PCMT1: variants seen among roughly 807,000 people sequenced by gnomAD.
PCMT1 encodes protein-L-isoaspartate (D-aspartate) O-methyltransferase.
Under a neutral mutation model 29.2 loss-of-function variants are expected in PCMT1, and 9 were observed. That is an observed-to-expected ratio of 0.31 (90% CI 0.19 to 0.54). PCMT1 has a LOEUF of 0.54. Among genes scored for constraint, PCMT1 ranks in the 20% least tolerant of loss-of-function variants. PCMT1 has a pLI of 0.95. For synonymous variants in PCMT1, 98 were observed against 97.5 expected (o/e 1.00, Z -0.03); for missense variants, 184 against 282.2 (o/e 0.65, Z 2.49).
intron 3 of PCMT1, among the ~76,000 whole-genome samples, chr6:149,785,405 T>A (rs1352233282): frequency 1.2e-4 from 18 of 151,144 alleles, no homozygotes; most frequent in South Asian, 2.1e-4. Flanking sequence ...TCAGTTCTTT[T>A]TTTTTATTTT....
intron 4 of PCMT1, among the ~76,000 whole-genome samples, chr6:149,791,994 A>G (rs1788391486): frequency 6.6e-6 from 1 of 152,074 alleles, no homozygotes; most frequent in Non-Finnish European, 1.5e-5. Context: ...TTTCCTCCCC[A>G]TTTTGTACTG....
rs1275404968 is a variant in PCMT1, at chr6:149,802,382, T to G, written c.*3T>G. 2 of 1,601,266 alleles carry G rather than the reference T, an allele frequency of 1.2e-6. No homozygotes were observed. The highest frequency in any genetic ancestry group is 2.2e-5 in the South Asian group (2 of 89,580). On this transcript the variant is annotated 3_prime_UTR_variant, in exon 7 of 8. Transcript: ENST00000464889. The stretch of plus-strand genomic sequence containing the variant: ...AGCAGTGGTCCAGGTGGAAGTGATT[T>G]TATCTTCTGCTCTTTCTTCTTCCAC...
At chr6:149,759,100 C>T (rs12201047) in intron 1 of PCMT1, among the ~76,000 whole-genome samples, 1 of 152,146 alleles carries the variant, frequency 6.6e-6, no homozygotes, top group African/African-American at 2.4e-5. Flanking sequence ...TGGTCTCAAT[C>T]TCTTGACCTC....
chr6:149,777,584 G>T (rs1174244660), intron 3 of PCMT1, among the ~76,000 whole-genome samples: 1 of 152,144 alleles, frequency 6.6e-6, no homozygotes, highest in Non-Finnish European at 1.5e-5. Context: ...GAGTCCCAAA[G>T]GGTATTTAGA....
In PCMT1 at chr6:149,809,341, CT is replaced by C. The variant is rs1776101741; in HGVS notation, c.*38-1272del. 3.5e-5 allele frequency among the ~76,000 whole-genome samples: 5 copies of C among 144,664 alleles called. No homozygotes were observed. In the Admixed American group the frequency reaches 3.5e-4, roughly 10 times the overall value. The allele number at this position is 144,664 out of a possible 152,430, so 94.9% of individuals were successfully genotyped here. A position where few individuals can be genotyped will look rare whatever the true frequency, so the allele number is the denominator to read the frequency against. On this transcript the variant is annotated intron_variant, in intron 7 of 7. Coordinates refer to ENST00000464889, the MANE Select transcript of PCMT1 (RefSeq NM_001360452.2). ...TTCTAAAAAGCAGAAGTGAATTTTACTTTATGAATAGAGCACTTTGCAAATA... is the reference window on the plus strand; with the variant it reads ...TTCTAAAAAGCAGAAGTGAATTTTACTTATGAATAGAGCACTTTGCAAATA...
intron 3 of PCMT1, among the ~76,000 whole-genome samples, chr6:149,777,102 G>A (rs1399945430): frequency 6.6e-6 from 1 of 152,204 alleles, no homozygotes; most frequent in Non-Finnish European, 1.5e-5. Context: ...GTATGTCCTG[G>A]TAAACCCATC....
intron 3 of PCMT1, among the ~76,000 whole-genome samples, chr6:149,775,145 A>G (rs2115263732): frequency 6.6e-6 from 1 of 152,328 alleles, no homozygotes; most frequent in East Asian, 1.9e-4. Context: ...GGGCCTGGCC[A>G]GAACAATAAC....
chr6:149,772,041 G>A (rs1787350361), intron 2 of PCMT1: 2 of 456,720 alleles, frequency 4.4e-6, no homozygotes, highest in Non-Finnish European at 8.8e-6. Context: ...TCCTTCTCCT[G>A]AAGCAGGTTT....
chr6:149,798,549 A>G (rs1788704547), intron 6 of PCMT1, among the ~76,000 whole-genome samples: 1 of 152,264 alleles, frequency 6.6e-6, no homozygotes, highest in Non-Finnish European at 1.5e-5. Context: ...GTTTTAAGAT[A>G]GCAGAATGAA....
chr6:149,790,153 T>G (rs1788297060), intron 4 of PCMT1, 95 bp downstream of exon 4: 2 of 732,926 alleles, frequency 2.7e-6, no homozygotes, highest in South Asian at 3.7e-5. Context: ...GTTTATTTGT[T>G]TGTTAATTCT....
chr6:149,796,580 G>A, intron 6 of PCMT1, 80 bp downstream of exon 6: 1 of 951,374 alleles, frequency 1.1e-6, no homozygotes, highest in Non-Finnish European at 1.6e-6. Context: ...ACTTCTAGAT[G>A]ATGTTCAAAA....
At chr6:149,778,383 C>T (rs1239513100) in intron 3 of PCMT1, among the ~76,000 whole-genome samples, 1 of 151,694 alleles carries the variant, frequency 6.6e-6, no homozygotes, top group Non-Finnish European at 1.5e-5. Flanking sequence ...TGTGCACCAC[C>T]ACACCCGGCT....
At chr6:149,761,391 T>C (rs1280659646) in intron 1 of PCMT1, among the ~76,000 whole-genome samples, 1 of 152,176 alleles carries the variant, frequency 6.6e-6, no homozygotes, top group Non-Finnish European at 1.5e-5. Flanking sequence ...GATGAGCTTA[T>C]AATGAAAAAC....
intron 7 of PCMT1, among the ~76,000 whole-genome samples, chr6:149,810,346 A>C (rs1469615587): frequency 6.6e-6 from 1 of 152,214 alleles, no homozygotes; most frequent in African/African-American, 2.4e-5. Context: ...GAATTTTGAC[A>C]TTGAAGGAAG....
intron 1 of PCMT1, among the ~76,000 whole-genome samples, chr6:149,755,317 C>T (rs1228664170): frequency 1.3e-5 from 2 of 151,872 alleles, no homozygotes; most frequent in African/African-American, 2.4e-5. Flanking sequence ...ACATGAGCTA[C>T]GTGGGAGGCT....
At chr6:149,769,603 C>G (rs528172575) in intron 1 of PCMT1, among the ~76,000 whole-genome samples, 79 of 151,578 alleles carry the variant, frequency 5.2e-4, no homozygotes, top group African/African-American at 1.9e-3. Context: ...TGTGAGCTAC[C>G]GTGCCTGGCC....
chr6:149,810,936 T>C lies in PCMT1; in HGVS notation c.*358T>C, dbSNP rs1427993920. 6 of 279,004 alleles carry C rather than the reference T, an allele frequency of 2.2e-5. No homozygotes were observed. The highest frequency in any genetic ancestry group is 6.7e-6 in the Non-Finnish European group (1 of 150,354). 17.3% of individuals were successfully genotyped at this position (279,004 alleles called of 1,614,324 possible). A position where few individuals can be genotyped will look rare whatever the true frequency, so the allele number is the denominator to read the frequency against. ...TAGTTTGTGAATTGATTTTGAGGAG[T>C]GGTTTTTCTTTTCTTGGACACTTAA... is the stretch of plus-strand genomic sequence containing the variant. On this transcript the variant is annotated 3_prime_UTR_variant, in exon 8 of 8. Transcript: ENST00000464889.
At chr6:149,769,308 C>CTTTTTTGTTTTTTTTTTTTTTT (rs1787215045) in intron 1 of PCMT1, among the ~76,000 whole-genome samples, 1 of 71,562 alleles carries the variant, frequency 1.4e-5, no homozygotes, top group East Asian at 8.7e-4. Flanking sequence ...GTGCAGGATT[C>CTTTTTTGTTTTTTTTTTTTTTT]TTTTTTTTTT....
intron 7 of PCMT1, among the ~76,000 whole-genome samples, chr6:149,806,560 T>C (rs1325825171): frequency 6.6e-6 from 1 of 152,164 alleles, no homozygotes; most frequent in Non-Finnish European, 1.5e-5. Context: ...ATTTCTGTTC[T>C]TTCAAACTTT....
Sources: gnomAD v4.1 joint callset for allele counts (sites outside exome capture counted in the v4.1 genomes callset) on GRCh38, gnomAD v4.1.1 for gene constraint, MANE v1.5 for transcripts, NCBI Gene and HGNC (gene_info 2026-07-23, HGNC 2026-07-21) for gene names.